The following LRP1B variants were observed in gnomAD, a reference collection of about 807,000 sequenced individuals.
LRP1B encodes the protein LDL receptor related protein 1B, also known as low-density lipoprotein receptor-related protein 1B.
Under a neutral mutation model 556.6 loss-of-function variants are expected in LRP1B, and 217 were observed. The ratio of observed to expected loss-of-function variants is 0.39; its 90% CI spans 0.35 to 0.44. LRP1B has a LOEUF of 0.44. LRP1B is among the 20% of genes least tolerant of loss of function. The pLI is 1.00. For missense variants in LRP1B, 5,053 were observed against 5,620.8 expected (o/e 0.90, Z 3.23); for synonymous variants, 2,047 against 1,865.8 (o/e 1.10, Z -2.50).
intron 63 of LRP1B, among the ~76,000 whole-genome samples, chr2:140,445,498 C>T (rs558998688): frequency 6.1e-4 from 93 of 152,070 alleles, no homozygotes; most frequent in Non-Finnish European, 1.3e-3. Context: ...GATATTCATC[C>T]CTATAATCCG....
At chr2:142,032,051 G>T (rs1415308099) in intron 1 of LRP1B, among the ~76,000 whole-genome samples, 2 of 151,804 alleles carry the variant, frequency 1.3e-5, no homozygotes, top group African/African-American at 4.8e-5. Context: ...CCAACGCCTT[G>T]ATCTCAACTT....
intron 68 of LRP1B, among the ~76,000 whole-genome samples, chr2:140,377,541 A>G (rs1291307353): frequency 6.6e-6 from 1 of 152,226 alleles, no homozygotes; most frequent in African/African-American, 2.4e-5. Flanking sequence ...TTTTTAAAGC[A>G]TCATGGAGTA....
At chr2:141,330,204 C>T (rs1687590643) in intron 3 of LRP1B, among the ~76,000 whole-genome samples, 1 of 152,196 alleles carries the variant, frequency 6.6e-6, no homozygotes, top group East Asian at 1.9e-4. Context: ...TACCTTCACA[C>T]TGATGTAATC....
At chr2:141,748,835 G>A (rs990521400) in intron 2 of LRP1B, among the ~76,000 whole-genome samples, 1 of 152,108 alleles carries the variant, frequency 6.6e-6, no homozygotes, top group Non-Finnish European at 1.5e-5. Flanking sequence ...TGACTTCTGG[G>A]AATGGAACAA....
chr2:141,941,657 G>A (rs775075256), intron 1 of LRP1B, among the ~76,000 whole-genome samples: 3 of 152,202 alleles, frequency 2.0e-5, no homozygotes, highest in African/African-American at 7.2e-5. Flanking sequence ...CTGGGAGCAC[G>A]TGGAACAGTG....
At chr2:140,530,698 C>G (rs990985563) in intron 47 of LRP1B, among the ~76,000 whole-genome samples, 1 of 152,102 alleles carries the variant, frequency 6.6e-6, no homozygotes, top group Non-Finnish European at 1.5e-5. Flanking sequence ...GCTTGTGTTT[C>G]CATGAGAAAT....
At chr2:141,237,210 A>G (rs1683676821) in intron 5 of LRP1B, among the ~76,000 whole-genome samples, 1 of 152,186 alleles carries the variant, frequency 6.6e-6, no homozygotes, top group African/African-American at 2.4e-5. Flanking sequence ...GATGTGGGTC[A>G]TGGGGATAAA....
chr2:140,426,283 A>T lies in LRP1B; in HGVS notation c.10414+16221T>A, dbSNP rs572044804. Among the ~76,000 whole-genome samples, 12 of 152,366 alleles carry T rather than the reference A, an allele frequency of 7.9e-5. No individual in the cohort carries two copies. In the South Asian group the frequency reaches 2.5e-3, roughly 32 times the overall value. On this transcript the variant is annotated intron_variant, in intron 66 of 90. Transcript: ENST00000389484. ...CTAAGCTGTAATTATTTGTACTTGG[A>T]CATTACAAAAATGGACATGGTGAAT...
intron 3 of LRP1B, among the ~76,000 whole-genome samples, chr2:141,345,429 T>C (rs2714217): frequency 6.6e-6 from 1 of 151,734 alleles, no homozygotes; most frequent in Non-Finnish European, 1.5e-5. Context: ...ACAATTCTAT[T>C]TTCATTCCTC....
At chr2:140,819,094 C>A (rs1045173290) in intron 31 of LRP1B, among the ~76,000 whole-genome samples, 11 of 152,168 alleles carry the variant, frequency 7.2e-5, no homozygotes, top group African/African-American at 2.7e-4. Flanking sequence ...CTTGCCCTTG[C>A]TGCTCCACCA....
chr2:141,481,560 T>G (rs930867440), intron 2 of LRP1B, among the ~76,000 whole-genome samples: 1 of 152,190 alleles, frequency 6.6e-6, no homozygotes, highest in Non-Finnish European at 1.5e-5. Flanking sequence ...AGTTTTCTCA[T>G]GTATAAAATG....
intron 6 of LRP1B, among the ~76,000 whole-genome samples, chr2:141,211,456 C>A (rs1339374293): frequency 1.3e-5 from 2 of 151,728 alleles, no homozygotes; most frequent in Admixed American, 6.6e-5. Context: ...CCCACCTCTA[C>A]TAAAAACACA....
At chr2:141,312,373 TCTTA>T (rs958866912) in intron 3 of LRP1B, among the ~76,000 whole-genome samples, 4 of 152,206 alleles carry the variant, frequency 2.6e-5, no homozygotes, top group Admixed American at 2.0e-4. Context: ...ATTTTCTTTA[TCTTA>T]CTTTATTGTA....
chr2:141,371,578 G>A lies in LRP1B; in HGVS notation c.343+108818C>T, dbSNP rs535769039. Among the ~76,000 whole-genome samples, 5 of 152,110 alleles carry A rather than the reference G, an allele frequency of 3.3e-5. 1 individual carries two copies. The highest frequency in any genetic ancestry group is 1.2e-4 in the African/African-American group (5 of 41,522). ...TCAGGGTTTTGTAGTTGTCTTTGTA[G>A]AGATCTTTTATATCTTTAGTTATAT... On this transcript the variant is annotated intron_variant, in intron 3 of 90. Transcript: ENST00000389484.
chr2:142,099,717 T>C (rs774720829), intron 1 of LRP1B, among the ~76,000 whole-genome samples: 11 of 151,938 alleles, frequency 7.2e-5, no homozygotes, highest in Non-Finnish European at 1.3e-4. Flanking sequence ...GTGGTAATAA[T>C]AAACCCCTTT....
In LRP1B at chr2:141,364,298, A is replaced by AAC. The variant is rs1203916414; in HGVS notation, c.344-109659_344-109658dup. ...ACACACACACACACACACACACGCAAACACACACACAGTTGAATGATTAAA... is the reference window on the plus strand; with the variant it reads ...ACACACACACACACACACACACGCAAACACACACACACAGTTGAATGATTAAA... On this transcript the variant is annotated intron_variant, in intron 3 of 90. Transcript: ENST00000389484. Among the ~76,000 whole-genome samples the AAC allele has an allele frequency of 3.0e-5, 4 of 132,588 alleles. No homozygotes were observed. In the East Asian group the frequency reaches 8.0e-4, roughly 27 times the overall value. The allele number at this position is 132,588 out of a possible 152,430, so 87.0% of individuals were successfully genotyped here.
intron 60 of LRP1B, among the ~76,000 whole-genome samples, chr2:140,462,726 A>G (rs1687373904): frequency 6.6e-6 from 1 of 152,220 alleles, no homozygotes; most frequent in Non-Finnish European, 1.5e-5. Flanking sequence ...CAGGATAACT[A>G]GAACTCCCAC....
intron 42 of LRP1B, among the ~76,000 whole-genome samples, chr2:140,600,256 ATTC>A (rs1682601325): frequency 6.6e-6 from 1 of 152,026 alleles, no homozygotes; most frequent in African/African-American, 2.4e-5. Context: ...TTGTCCTGAG[ATTC>A]TTCTGGTGAT....
At chr2:141,319,303 T>G (rs1196313637) in intron 3 of LRP1B, among the ~76,000 whole-genome samples, 1 of 121,366 alleles carries the variant, frequency 8.2e-6, no homozygotes, top group African/African-American at 3.5e-5. Context: ...AGCAGTGTTT[T>G]TTTGTTGTTT....
Sources: allele counts gnomAD v4.1 joint callset (sites outside exome capture counted in the v4.1 genomes callset), GRCh38; gene constraint gnomAD v4.1.1; transcripts MANE v1.5; gene names NCBI Gene and HGNC (gene_info 2026-07-23, HGNC 2026-07-21).